The following GRIN2B variants were observed in gnomAD, a reference collection of about 807,000 sequenced individuals.
GRIN2B encodes glutamate receptor ionotropic, NMDA 2B.
A neutral mutation model predicts 114.5 loss-of-function variants in GRIN2B; 5 were observed. The observed-to-expected ratio is 0.04, with a 90% CI of 0.02 to 0.09. The LOEUF (loss-of-function observed/expected upper bound fraction) is 0.09, where lower values mean the gene tolerates loss of function less well. Among genes scored for constraint, GRIN2B ranks in the 10% least tolerant of loss-of-function variants. GRIN2B has a pLI of 1.00. For missense variants in GRIN2B, 1,108 were observed against 1,943.5 expected (o/e 0.57, Z 8.08); for synonymous variants, 787 against 745.1 (o/e 1.06, Z -0.92).
chr12:13,746,279 T>G (rs933870611), intron 4 of GRIN2B, among the ~76,000 whole-genome samples: 9 of 152,152 alleles, frequency 5.9e-5, no homozygotes, highest in African/African-American at 2.2e-4. Flanking sequence ...TTCATAACTT[T>G]CGCAGCCTGG....
rs1275673366 is a variant in GRIN2B, at chr12:13,608,675, G to A, written c.1938C>T (p.Tyr646=). 1.2e-6 allele frequency: 2 copies of A among 1,614,006 alleles called. No individual in the cohort carries two copies. Among genetic ancestry groups the A allele is most frequent in the East Asian group, 4.5e-5 (2 of 44,884 alleles). The change falls in exon 10 of 14, where the codon TAC becomes TAT. Residue 646 remains tyrosine (Y), a synonymous_variant. Coordinates refer to ENST00000609686, the MANE Select transcript of GRIN2B (RefSeq NM_000834.5). Reference sequence around the variant, plus strand: ...TCATGAAGGCAGCTAAGTTGGCAGTGTAGCTGGCCAGGAAGATGACAGCAA... The same window carrying A: ...TCATGAAGGCAGCTAAGTTGGCAGTATAGCTGGCCAGGAAGATGACAGCAA... ...AFFAVIFLAS[Y]TANLAAFMIQ...
intron 6 of GRIN2B, among the ~76,000 whole-genome samples, chr12:13,616,016 G>C (rs1949434875): frequency 6.6e-6 from 1 of 152,124 alleles, no homozygotes; most frequent in East Asian, 1.9e-4. Flanking sequence ...CAGTACCAGA[G>C]AGGCCTCTTG....
At chr12:13,634,564 T>C (rs1272476578) in intron 5 of GRIN2B, among the ~76,000 whole-genome samples, 1 of 152,168 alleles carries the variant, frequency 6.6e-6, no homozygotes, top group African/African-American at 2.4e-5. Flanking sequence ...GAGGGTTTTA[T>C]GGGCTAAGCT....
intron 3 of GRIN2B, among the ~76,000 whole-genome samples, chr12:13,774,995 A>T (rs1212506121): frequency 1.3e-5 from 2 of 152,158 alleles, no homozygotes. Context: ...GATGATGATG[A>T]TGATGATGAT....
intron 4 of GRIN2B, among the ~76,000 whole-genome samples, chr12:13,686,299 A>C (rs938935305): frequency 6.6e-6 from 1 of 152,204 alleles, no homozygotes; most frequent in Non-Finnish European, 1.5e-5. Context: ...GATGAGGCCA[A>C]GAGTTTCTTC....
At chr12:13,957,294 G>C (rs1156920948) in intron 2 of GRIN2B, among the ~76,000 whole-genome samples, 3 of 152,126 alleles carry the variant, frequency 2.0e-5, no homozygotes, top group Admixed American at 2.0e-4. Flanking sequence ...CAGGATATGG[G>C]AAGAAAGGTA....
At chr12:13,980,659 G>C (rs1004794828) in intron 1 of GRIN2B, among the ~76,000 whole-genome samples, 2 of 151,982 alleles carry the variant, frequency 1.3e-5, no homozygotes, top group African/African-American at 4.8e-5. Context: ...AGGAGGAAGG[G>C]GGGGAGAAGC....
intron 2 of GRIN2B, among the ~76,000 whole-genome samples, chr12:13,922,087 T>C (rs1323107580): frequency 2.6e-5 from 4 of 152,168 alleles, no homozygotes; most frequent in African/African-American, 9.7e-5. Context: ...AAGTACCTAG[T>C]AAGGTGTCTA....
intron 2 of GRIN2B, among the ~76,000 whole-genome samples, chr12:13,965,866 T>A (rs963724096): frequency 6.6e-6 from 1 of 152,230 alleles, no homozygotes; most frequent in Non-Finnish European, 1.5e-5. Flanking sequence ...CTTCTCAGAT[T>A]TCACAACTTT....
chr12:13,641,263 G>A (rs912762319), intron 5 of GRIN2B, among the ~76,000 whole-genome samples: 1 of 151,880 alleles, frequency 6.6e-6, no homozygotes, highest in Non-Finnish European at 1.5e-5. Flanking sequence ...GTAGAGATGG[G>A]GGTTTCACCA....
At chr12:13,905,529 T>G (rs1866522878) in intron 2 of GRIN2B, among the ~76,000 whole-genome samples, 1 of 152,206 alleles carries the variant, frequency 6.6e-6, no homozygotes, top group African/African-American at 2.4e-5. Context: ...GTCTGGAGAA[T>G]GTGCTGATCT....
rs3081918 is a variant in GRIN2B at position 13,605,520 on chromosome 12, G to GTCTCTCTCTCTCTCTCTCTCTCTC, written c.2010+3059_2010+3082dup. ...GAAATTATTTGCAAAGGTCTTGAAAGTCTCTCTCTCTCTCTCTCTCTCTCT... is the reference window on the plus strand; with the variant it reads ...GAAATTATTTGCAAAGGTCTTGAAAGTCTCTCTCTCTCTCTCTCTCTCTCTCTCTCTCTCTCTCTCTCTCTCTCT... On this transcript the variant is annotated intron_variant, in intron 10 of 13. Transcript: ENST00000609686. Among the ~76,000 whole-genome samples, 536 of 114,882 alleles carry GTCTCTCTCTCTCTCTCTCTCTCTC rather than the reference G, an allele frequency of 4.7e-3. 11 individuals carry two copies. Among genetic ancestry groups the GTCTCTCTCTCTCTCTCTCTCTCTC allele is most frequent in the South Asian group, 0.013 (38 of 2,838 alleles). The allele number at this position is 114,882 out of a possible 152,430, so 75.4% of individuals were successfully genotyped here.
intron 8 of GRIN2B, 132 bp from the exon 9 acceptor site, chr12:13,611,982 A>T (rs750419989): frequency 1.2e-6 from 1 of 864,618 alleles, no homozygotes; most frequent in Non-Finnish European, 1.9e-6. Flanking sequence ...TCAGGAAGCC[A>T]GGGCCTAGGT....
At chr12:13,739,489 C>A (rs1261559920) in intron 4 of GRIN2B, among the ~76,000 whole-genome samples, 1 of 151,590 alleles carries the variant, frequency 6.6e-6, no homozygotes, top group Non-Finnish European at 1.5e-5. Context: ...ACTGCCTCTA[C>A]CACATAGCTT....
chr12:13,837,437 G>A (rs1482096157), intron 3 of GRIN2B, among the ~76,000 whole-genome samples: 1 of 152,200 alleles, frequency 6.6e-6, no homozygotes, highest in Non-Finnish European at 1.5e-5. Context: ...GTGGGGGAGG[G>A]AGGCATGGTG....
rs566449228 is a variant in GRIN2B at position 13,719,165 on chromosome 12, A to T, written c.1010+34152T>A. Among the ~76,000 whole-genome samples the T allele has an allele frequency of 1.1e-4, 16 of 152,154 alleles. No homozygotes were observed. The South Asian group carries it at 2.7e-3, about 26-fold the overall frequency. On this transcript the variant is annotated intron_variant, in intron 4 of 13. Transcript: ENST00000609686. ...ATGACCTACACCTGGTATCCAACAG[A>T]GTAGACTGCCACTCCCGCAAGCTCA...
At position 13,541,647 on chromosome 12, in the gene GRIN2B, T is replaced by C. The variant is rs1948281369; in HGVS notation, c.*21136A>G. 6.6e-6 allele frequency: 1 copy of C among 152,228 alleles called. No individual in the cohort carries two copies. Among genetic ancestry groups the C allele is most frequent in the Non-Finnish European group, 1.5e-5 (1 of 68,062 alleles). 9.4% of individuals were successfully genotyped at this position (152,228 alleles called of 1,614,324 possible). ...GAGCCAAGATGAACATAATTTAATCTTTTGGGGGAAAACGGCTGGCAGGAT... is the reference window on the plus strand; with the variant it reads ...GAGCCAAGATGAACATAATTTAATCCTTTGGGGGAAAACGGCTGGCAGGAT... On this transcript the variant is annotated 3_prime_UTR_variant, in exon 14 of 14. Coordinates refer to ENST00000609686, the MANE Select transcript of GRIN2B (RefSeq NM_000834.5).
intron 4 of GRIN2B, among the ~76,000 whole-genome samples, chr12:13,721,853 C>T (rs779366045): frequency 9.9e-5 from 15 of 151,984 alleles, no homozygotes; most frequent in South Asian, 2.1e-4. Flanking sequence ...CCCTTTGGGC[C>T]GCGAACATTT....
chr12:13,980,405 A>C (rs1357214296), intron 1 of GRIN2B, 49 bp from the exon 2 acceptor site: 1 of 152,170 alleles, frequency 6.6e-6, no homozygotes, highest in Non-Finnish European at 1.5e-5. Context: ...TGTCCCCCGG[A>C]GGGTGAGAAA....
Sources: allele counts gnomAD v4.1 joint callset (sites outside exome capture counted in the v4.1 genomes callset), GRCh38; gene constraint gnomAD v4.1.1; transcripts MANE v1.5; gene names NCBI Gene and HGNC (gene_info 2026-07-23, HGNC 2026-07-21).